NTRK2: variants seen among roughly 807,000 people sequenced by gnomAD.
The protein encoded by NTRK2 is neurotrophic receptor tyrosine kinase 2, also known as BDNF/NT-3 growth factors receptor.
Under a neutral mutation model 94.5 loss-of-function variants are expected in NTRK2, and 13 were observed. The ratio of observed to expected loss-of-function variants is 0.14; its 90% CI spans 0.09 to 0.22. The LOEUF (loss-of-function observed/expected upper bound fraction) is 0.22. Among genes scored for constraint, NTRK2 ranks in the 10% least tolerant of loss-of-function variants. NTRK2 has a pLI of 1.00. For missense variants in NTRK2, 639 were observed against 1,071.2 expected (o/e 0.60, Z 5.63); for synonymous variants, 372 against 407.4 (o/e 0.91, Z 1.05).
chr9:84,752,818 A>G (rs1208763511), intron 12 of NTRK2, among the ~76,000 whole-genome samples: 1 of 152,196 alleles, frequency 6.6e-6, no homozygotes, highest in African/African-American at 2.4e-5. Context: ...TATGTATTGG[A>G]TAATATGCCA....
chr9:84,841,455 G>A (rs2074178082), intron 12 of NTRK2, among the ~76,000 whole-genome samples: 1 of 152,140 alleles, frequency 6.6e-6, no homozygotes, highest in Admixed American at 6.5e-5. Context: ...CACCTTCACA[G>A]CTACTAACCT....
chr9:84,756,204 G>A (rs1239585307), intron 12 of NTRK2, among the ~76,000 whole-genome samples: 1 of 152,140 alleles, frequency 6.6e-6, no homozygotes, highest in Non-Finnish European at 1.5e-5. Flanking sequence ...AGTTTTCACT[G>A]AAGTAGGGCT....
intron 14 of NTRK2, among the ~76,000 whole-genome samples, chr9:84,898,074 C>G (rs1241183034): frequency 7.9e-6 from 1 of 126,174 alleles, no homozygotes; most frequent in African/African-American, 3.0e-5. Context: ...TTTTTTTTTT[C>G]TATGATATCT....
intron 2 of NTRK2, among the ~76,000 whole-genome samples, chr9:84,672,317 C>T (rs150770721): frequency 7.6e-4 from 116 of 152,226 alleles, no homozygotes; most frequent in Admixed American, 1.2e-3. Context: ...AGCCAACTGT[C>T]GGGCTGAGTC....
chr9:84,750,674 G>A lies in NTRK2; in HGVS notation c.1297-1312G>A, dbSNP rs995345259. On this transcript the variant is annotated intron_variant, in intron 11 of 18. Transcript: ENST00000277120. ...CCGGCAGAGCTGGATCCTTAGTTGCGACAGAGACTGCAAGGCTGGCAAAGC... is the reference window on the plus strand; with the variant it reads ...CCGGCAGAGCTGGATCCTTAGTTGCAACAGAGACTGCAAGGCTGGCAAAGC... Among the ~76,000 whole-genome samples the A allele has an allele frequency of 5.3e-5, 8 of 152,156 alleles. No homozygotes were observed. The East Asian group carries it at 1.3e-3, about 26-fold the overall frequency.
intron 12 of NTRK2, among the ~76,000 whole-genome samples, chr9:84,848,901 T>C (rs748825347): frequency 3.9e-5 from 6 of 152,224 alleles, no homozygotes; most frequent in Non-Finnish European, 7.3e-5. Flanking sequence ...TCTAAGGAGA[T>C]GGCTTGTCAA....
At chr9:84,872,929 A>G (rs2132123465) in intron 14 of NTRK2, 3 of 1,065,170 alleles carry the variant, frequency 2.8e-6, no homozygotes, top group Non-Finnish European at 3.4e-6. Flanking sequence ...TGTCTTACCA[A>G]TAAGGGGAAA....
intron 10 of NTRK2, among the ~76,000 whole-genome samples, chr9:84,742,186 T>G (rs1032323945): frequency 5.9e-5 from 9 of 152,228 alleles, no homozygotes; most frequent in Non-Finnish European, 1.0e-4. Flanking sequence ...GTAACAGACA[T>G]CGTATTTCCT....
At chr9:84,682,311 T>C (rs78477103) in intron 2 of NTRK2, among the ~76,000 whole-genome samples, 17 of 152,206 alleles carry the variant, frequency 1.1e-4, no homozygotes, top group Admixed American at 1.1e-3. Context: ...AACTTTATTG[T>C]ATGGAATTTA....
chr9:84,947,773 G>A (rs1418963048), intron 15 of NTRK2, among the ~76,000 whole-genome samples: 1 of 152,224 alleles, frequency 6.6e-6, no homozygotes, highest in Non-Finnish European at 1.5e-5. Flanking sequence ...CACATGCCAA[G>A]AGCTCAGCAC....
At chr9:84,902,499 CT>C (rs1208139073) in intron 14 of NTRK2, among the ~76,000 whole-genome samples, 1 of 152,088 alleles carries the variant, frequency 6.6e-6, no homozygotes, top group Non-Finnish European at 1.5e-5. Flanking sequence ...GCTTTTGGTA[CT>C]TTTGGGAGAA....
At chr9:84,687,303 T>C (rs971253950) in intron 2 of NTRK2, among the ~76,000 whole-genome samples, 3 of 152,242 alleles carry the variant, frequency 2.0e-5, no homozygotes, top group Non-Finnish European at 2.9e-5. Flanking sequence ...GCTCTCACGA[T>C]AAGCCTAGGT....
chr9:84,888,879 A>G (rs941027990), intron 14 of NTRK2, among the ~76,000 whole-genome samples: 1 of 151,928 alleles, frequency 6.6e-6, no homozygotes, highest in Admixed American at 6.5e-5. Context: ...ACAAATCACA[A>G]GTCACACAAC....
chr9:84,873,773 T>A, intron 14 of NTRK2: 43 of 1,055,982 alleles, frequency 4.1e-5, no homozygotes, highest in Non-Finnish European at 4.9e-5. Context: ...GGTAATATTA[T>A]TCTTTGTTAT....
At chr9:84,858,442 C>A (rs1406407393) in intron 12 of NTRK2, among the ~76,000 whole-genome samples, 1 of 152,038 alleles carries the variant, frequency 6.6e-6, no homozygotes, top group African/African-American at 2.4e-5. Flanking sequence ...CCCCCAACCC[C>A]CCTTCCAGCT....
chr9:84,831,373 A>C (rs532841365), intron 12 of NTRK2, among the ~76,000 whole-genome samples: 34 of 152,218 alleles, frequency 2.2e-4, no homozygotes, highest in Admixed American at 1.2e-3. Context: ...TTTAGTGTTT[A>C]TATGCTGTTT....
intron 12 of NTRK2, among the ~76,000 whole-genome samples, chr9:84,774,436 G>A (rs1333951515): frequency 2.0e-5 from 3 of 152,150 alleles, no homozygotes; most frequent in African/African-American, 7.2e-5. Context: ...GGAAACATTT[G>A]GTAGATGTCA....
chr9:84,809,821 G>A (rs1357818066), intron 12 of NTRK2, among the ~76,000 whole-genome samples: 1 of 148,266 alleles, frequency 6.7e-6, no homozygotes, highest in Non-Finnish European at 1.5e-5. Flanking sequence ...GGCAGAGGTT[G>A]CAGTGAGCCG....
intron 12 of NTRK2, chr9:84,812,125 A>G (rs2071872765): frequency 1.9e-6 from 2 of 1,059,274 alleles, no homozygotes; most frequent in East Asian, 5.2e-5. Context: ...ATTTTTAACT[A>G]GTCCAACACA....
Sources: gnomAD v4.1 joint callset for allele counts (sites outside exome capture counted in the v4.1 genomes callset) on GRCh38, gnomAD v4.1.1 for gene constraint, MANE v1.5 for transcripts, NCBI Gene and HGNC (gene_info 2026-07-23, HGNC 2026-07-21) for gene names.